CHMP4B: variants seen among roughly 807,000 people sequenced by gnomAD.
The protein encoded by CHMP4B is SNF7 homolog associated with Alix 1.
Under a neutral mutation model 25.1 loss-of-function variants are expected in CHMP4B, and 1 was observed. That is an observed-to-expected ratio of 0.04 (90% confidence interval 0.01 to 0.19). The LOEUF (loss-of-function observed/expected upper bound fraction) is 0.19. CHMP4B is among the 10% of genes least tolerant of loss of function. CHMP4B has a pLI of 1.00. For synonymous variants in CHMP4B, 101 were observed against 115.6 expected (o/e 0.87, Z 0.81); for missense variants, 151 against 289.7 (o/e 0.52, Z 3.48).
At chr20:33,832,731 G>T (rs2122797694) in intron 1 of CHMP4B, among the ~76,000 whole-genome samples, 1 of 151,638 alleles carries the variant, frequency 6.6e-6, no homozygotes, top group South Asian at 2.1e-4. Flanking sequence ...GTAGTAATTA[G>T]GTTACCTTTG....
rs1378009644 is a variant in CHMP4B at position 33,853,583 on chromosome 20, C to T, written c.*23C>T. 1.9e-6 allele frequency: 3 copies of T among 1,610,076 alleles called. No homozygotes were observed. The South Asian group carries it at 3.3e-5, about 18-fold the overall frequency. On this transcript the variant is annotated 3_prime_UTR_variant, in exon 5 of 5. Transcript: ENST00000217402. The stretch of plus-strand genomic sequence containing the variant: ...TAATGGGGTCCAGCGCTGGCTGGGC[C>T]CAGACAGACTGTGGTGGCCTGCGCA...
chr20:33,833,080 C>T (rs150928361), intron 1 of CHMP4B, among the ~76,000 whole-genome samples: 57 of 152,220 alleles, frequency 3.7e-4, no homozygotes, highest in African/African-American at 1.1e-3. Context: ...TGAGCCACCA[C>T]GGCCAGCCAG....
At chr20:33,824,438 T>C (rs1979031211) in intron 1 of CHMP4B, among the ~76,000 whole-genome samples, 1 of 151,974 alleles carries the variant, frequency 6.6e-6, no homozygotes, top group Non-Finnish European at 1.5e-5. Flanking sequence ...GGGGTTGGGG[T>C]GTGGGGGTCC....
At chr20:33,827,722 G>A (rs531720586) in intron 1 of CHMP4B, among the ~76,000 whole-genome samples, 5 of 152,204 alleles carry the variant, frequency 3.3e-5, no homozygotes, top group Non-Finnish European at 7.3e-5. Flanking sequence ...GGGCTCAGCA[G>A]GTTCAAGCCC....
chr20:33,835,992 C>T (rs59664976), intron 1 of CHMP4B, among the ~76,000 whole-genome samples: 2,763 of 152,332 alleles, frequency 0.018, 81 homozygotes, highest in African/African-American at 0.063. Flanking sequence ...TCACTAGGCC[C>T]CACCTCTGAC....
chr20:33,850,778 T>C (rs777626716), intron 2 of CHMP4B, among the ~76,000 whole-genome samples, 174 bp from the exon 3 acceptor site: 25 of 152,380 alleles, frequency 1.6e-4, no homozygotes, highest in South Asian at 2.1e-4. Context: ...TATGATTCTC[T>C]ATTTTAAAGG....
At chr20:33,829,357 G>A (rs555438874) in intron 1 of CHMP4B, among the ~76,000 whole-genome samples, 5 of 152,206 alleles carry the variant, frequency 3.3e-5, no homozygotes, top group Non-Finnish European at 7.3e-5. Flanking sequence ...GCCCAGCCGA[G>A]AATGCCCATC....
intron 1 of CHMP4B, 75 bp downstream of exon 1, chr20:33,811,733 A>T: frequency 6.8e-7 from 1 of 1,469,650 alleles, no homozygotes; most frequent in Non-Finnish European, 9.4e-7. Flanking sequence ...CACCTTCATC[A>T]GACTCGCCTC....
chr20:33,815,116 T>C (rs961071414), intron 1 of CHMP4B, among the ~76,000 whole-genome samples: 4 of 152,224 alleles, frequency 2.6e-5, no homozygotes, highest in African/African-American at 9.7e-5. Flanking sequence ...TGCAGCTTCA[T>C]CATTTCCTTG....
chr20:33,847,121 G>T (rs1380126687), intron 1 of CHMP4B, among the ~76,000 whole-genome samples: 1 of 152,046 alleles, frequency 6.6e-6, no homozygotes, highest in African/African-American at 2.4e-5. Flanking sequence ...GGGTTGTTGT[G>T]GGGGACATAA....
chr20:33,811,597 G>A lies in CHMP4B; in HGVS notation c.129G>A (p.Leu43=), dbSNP rs895525461. Residue 43 remains leucine (L), a synonymous_variant, in exon 1 of 5, where the codon CTG becomes CTA. Coordinates refer to ENST00000217402, the MANE Select transcript of CHMP4B (RefSeq NM_176812.5). ...EEMLSKKQEF[L]EKKIEQELTA... ...TGTTAAGCAAGAAACAGGAGTTCCT[G>A]GAGAAGAAAATCGAGCAGGAGCTGA... The A allele has an allele frequency of 7.4e-6, 12 of 1,613,986 alleles. No individual in the cohort carries two copies. The highest frequency in any genetic ancestry group is 1.0e-5 in the Non-Finnish European group (12 of 1,179,970).
intron 1 of CHMP4B, among the ~76,000 whole-genome samples, chr20:33,825,755 A>G (rs1729600909): frequency 6.6e-6 from 1 of 152,168 alleles, no homozygotes; most frequent in African/African-American, 2.4e-5. Context: ...GAACTTGGGA[A>G]TCTGTGTTTG....
At chr20:33,836,881 A>G (rs1284519042) in intron 1 of CHMP4B, among the ~76,000 whole-genome samples, 1 of 152,072 alleles carries the variant, frequency 6.6e-6, no homozygotes, top group African/African-American at 2.4e-5. Flanking sequence ...AAAAACTGTT[A>G]ATTCATTTCT....
chr20:33,811,730 A>G, intron 1 of CHMP4B, 72 bp downstream of exon 1: 1 of 1,477,986 alleles, frequency 6.8e-7, no homozygotes, highest in Non-Finnish European at 9.3e-7. Flanking sequence ...CTTCACCTTC[A>G]TCAGACTCGC....
At chr20:33,852,260 G>A in intron 4 of CHMP4B, 57 bp downstream of exon 4, 2 of 1,609,006 alleles carry the variant, frequency 1.2e-6, no homozygotes, top group Non-Finnish European at 1.7e-6. Flanking sequence ...TGATCTTGTG[G>A]TCGGTTGGCT....
intron 1 of CHMP4B, among the ~76,000 whole-genome samples, chr20:33,827,350 A>G (rs1365074726): frequency 6.6e-6 from 1 of 152,254 alleles, no homozygotes; most frequent in East Asian, 1.9e-4. Context: ...GCCACATTAC[A>G]GTAACCTTAC....
chr20:33,840,689 G>A (rs1979515978), intron 1 of CHMP4B, among the ~76,000 whole-genome samples: 1 of 152,254 alleles, frequency 6.6e-6, no homozygotes, highest in Admixed American at 6.5e-5. Context: ...GGTTTTTCTT[G>A]TCTTTTCTTT....
chr20:33,823,764 C>T (rs746201719), intron 1 of CHMP4B, among the ~76,000 whole-genome samples: 4 of 152,150 alleles, frequency 2.6e-5, no homozygotes, highest in East Asian at 1.9e-4. Flanking sequence ...AGGCTGGTCT[C>T]GAACTCCTGA....
chr20:33,817,845 A>C (rs1224582425), intron 1 of CHMP4B, among the ~76,000 whole-genome samples: 1 of 152,218 alleles, frequency 6.6e-6, no homozygotes, highest in Non-Finnish European at 1.5e-5. Context: ...GGGAAACTAC[A>C]GATCTAGCTG....
Sources: gnomAD v4.1 joint callset for allele counts (sites outside exome capture counted in the v4.1 genomes callset) on GRCh38, gnomAD v4.1.1 for gene constraint, MANE v1.5 for transcripts, NCBI Gene and HGNC (gene_info 2026-07-23, HGNC 2026-07-21) for gene names.